ELMO1: variants seen among roughly 807,000 people sequenced by gnomAD.
The protein encoded by ELMO1 is engulfment and cell motility 1.
A neutral mutation model predicts 98.9 loss-of-function variants in ELMO1; 26 were observed. The ratio of observed to expected loss-of-function variants is 0.26; its 90% confidence interval spans 0.19 to 0.36. The LOEUF (loss-of-function observed/expected upper bound fraction) is 0.36, where lower values mean the gene tolerates loss of function less well. Among genes scored for constraint, ELMO1 ranks in the 10% least tolerant of loss-of-function variants. The pLI, the probability that ELMO1 is intolerant of heterozygous loss-of-function variation, is 1.00. For missense variants in ELMO1, 627 were observed against 935.2 expected, an observed-to-expected ratio of 0.67 and a Z score of 4.30; for synonymous variants, 346 against 346.0, an observed-to-expected ratio of 1.00 and a Z score of 0.00.
intron 1 of ELMO1, among the ~76,000 whole-genome samples, chr7:37,367,909 AAAC>A (rs1801967980): frequency 6.6e-6 from 1 of 152,232 alleles, no homozygotes; most frequent in African/African-American, 2.4e-5. Flanking sequence ...CAGACATCGA[AAAC>A]AATCACGGAT....
intron 15 of ELMO1, among the ~76,000 whole-genome samples, chr7:37,013,924 C>A (rs923396538): frequency 7.9e-5 from 12 of 152,328 alleles, no homozygotes; most frequent in Admixed American, 5.9e-4. Context: ...AGGCTCTTTT[C>A]TCTCTCATGG....
chr7:36,862,845 A>G (rs1802741549), intron 20 of ELMO1, among the ~76,000 whole-genome samples: 2 of 152,172 alleles, frequency 1.3e-5, no homozygotes, highest in Non-Finnish European at 2.9e-5. Context: ...CAATCTCTTC[A>G]CATCATTCTC....
At chr7:37,367,690 A>G (rs947585268) in intron 1 of ELMO1, among the ~76,000 whole-genome samples, 8 of 152,314 alleles carry the variant, frequency 5.3e-5, no homozygotes, top group African/African-American at 1.7e-4. Flanking sequence ...TGGTGGGCAT[A>G]AGACCAGCCA....
At position 37,429,835 on chromosome 7, in the gene ELMO1, T is replaced by C. The variant is rs1466689674; in HGVS notation, c.-74+18840A>G. The C allele has an allele frequency of 3.3e-5, 5 of 152,256 alleles. No homozygotes were observed. The East Asian group carries it at 9.6e-4, about 29-fold the overall frequency. The allele number at this position is 152,256 out of a possible 1,614,324, so 9.4% of individuals were successfully genotyped here. A position where few individuals can be genotyped will look rare whatever the true frequency, so the allele number is the denominator to read the frequency against. On this transcript the variant is annotated intron_variant, in intron 1 of 21. Coordinates refer to ENST00000310758, the MANE Select transcript of ELMO1 (RefSeq NM_014800.11). ...AGAGGGAAGAGGGACATAGAAGATA[T>C]TCAGGGCATCCCTAAGGGGGCTTCA...
chr7:37,407,049 C>T (rs1803799427), intron 1 of ELMO1, among the ~76,000 whole-genome samples: 1 of 152,106 alleles, frequency 6.6e-6, no homozygotes, highest in Non-Finnish European at 1.5e-5. Context: ...AAAAAACTTA[C>T]AGCTATACAA....
At chr7:37,158,747 G>A (rs747231168) in intron 13 of ELMO1, among the ~76,000 whole-genome samples, 10 of 152,172 alleles carry the variant, frequency 6.6e-5, no homozygotes, top group East Asian at 3.9e-4. Flanking sequence ...ACAGTGTGGC[G>A]ATTCCTCAAG....
chr7:37,133,113 A>T lies in ELMO1; in HGVS notation c.1191+17T>A. The T allele has an allele frequency of 1.9e-6, 3 of 1,590,028 alleles. No homozygotes were observed. The highest frequency in any genetic ancestry group is 2.6e-6 in the Non-Finnish European group (3 of 1,164,336). On this transcript the variant is annotated intron_variant, in intron 14 of 21. Coordinates refer to ENST00000310758, the MANE Select transcript of ELMO1 (RefSeq NM_014800.11). The stretch of plus-strand genomic sequence containing the variant: ...AGTAGGAAACACACAATATCTGAAA[A>T]GGGGCTTCTTGCTTACCCGGATGTA...
chr7:37,263,688 T>A (rs964332441), intron 5 of ELMO1, among the ~76,000 whole-genome samples: 3 of 152,050 alleles, frequency 2.0e-5, no homozygotes, highest in African/African-American at 7.2e-5. Context: ...CTGGGCAGCA[T>A]CAATGGTTAG....
At chr7:37,225,354 A>G (rs1300712990) in intron 8 of ELMO1, among the ~76,000 whole-genome samples, 2 of 152,202 alleles carry the variant, frequency 1.3e-5, no homozygotes, top group Non-Finnish European at 2.9e-5. Flanking sequence ...TTCAACACAT[A>G]TATTGTAAGG....
chr7:36,856,161 T>C (rs927014942), intron 21 of ELMO1, among the ~76,000 whole-genome samples: 1 of 152,222 alleles, frequency 6.6e-6, no homozygotes, highest in Non-Finnish European at 1.5e-5. Context: ...GGACTCAACA[T>C]CAGGTGAAGC....
intron 7 of ELMO1, among the ~76,000 whole-genome samples, chr7:37,239,531 T>A (rs762785180): frequency 4.6e-5 from 7 of 152,176 alleles, no homozygotes; most frequent in Non-Finnish European, 4.4e-5. Context: ...AGTTTTGATG[T>A]GTCAGTTTTA....
intron 16 of ELMO1, among the ~76,000 whole-genome samples, chr7:36,904,971 A>T (rs919076300): frequency 6.6e-6 from 1 of 152,234 alleles, no homozygotes; most frequent in African/African-American, 2.4e-5. Context: ...TATTTTCACC[A>T]GTGTCTAATG....
chr7:36,928,601 A>G (rs541793846), intron 16 of ELMO1, among the ~76,000 whole-genome samples: 110 of 152,252 alleles, frequency 7.2e-4, no homozygotes, highest in African/African-American at 2.6e-3. Flanking sequence ...ACCAACCCCT[A>G]TTTCAGGCTC....
intron 13 of ELMO1, among the ~76,000 whole-genome samples, chr7:37,163,729 G>C (rs144934425): frequency 0.13 from 19,827 of 152,116 alleles, 1,403 homozygotes; most frequent in Middle Eastern, 0.26. Flanking sequence ...TCTTAATCCA[G>C]TCTATCATTG....
chr7:37,267,777 G>C (rs759172868), intron 5 of ELMO1, among the ~76,000 whole-genome samples: 2 of 152,174 alleles, frequency 1.3e-5, no homozygotes, highest in African/African-American at 2.4e-5. Flanking sequence ...GCTTTTGGCA[G>C]CCTGTCTTTT....
intron 4 of ELMO1, among the ~76,000 whole-genome samples, chr7:37,280,394 C>T (rs1797072737): frequency 6.6e-6 from 1 of 152,074 alleles, no homozygotes; most frequent in Admixed American, 6.5e-5. Flanking sequence ...GCAAAGGGAA[C>T]AGTCAGCAGA....
At chr7:36,926,371 C>T (rs530245604) in intron 16 of ELMO1, among the ~76,000 whole-genome samples, 5 of 152,360 alleles carry the variant, frequency 3.3e-5, no homozygotes, top group African/African-American at 1.2e-4. Context: ...ACTCCCATCC[C>T]TCTGAAGAAT....
intron 15 of ELMO1, among the ~76,000 whole-genome samples, chr7:37,076,347 A>G (rs891301014): frequency 6.6e-6 from 1 of 152,226 alleles, no homozygotes; most frequent in African/African-American, 2.4e-5. Context: ...AATACTCAAA[A>G]ATGACAGAAA....
chr7:37,390,547 C>T (rs1803022812), intron 1 of ELMO1, among the ~76,000 whole-genome samples: 2 of 152,112 alleles, frequency 1.3e-5, no homozygotes, highest in Admixed American at 1.3e-4. Context: ...TCAGGCCCTA[C>T]CTGTTTTGAA....
Sources: allele counts gnomAD v4.1 joint callset (sites outside exome capture counted in the v4.1 genomes callset), GRCh38; gene constraint gnomAD v4.1.1; transcripts MANE v1.5; gene names NCBI Gene and HGNC (gene_info 2026-07-23, HGNC 2026-07-21).